DSCAM: variants seen among roughly 807,000 people sequenced by gnomAD.
DSCAM encodes the protein DS cell adhesion molecule.
Under a neutral mutation model 217.7 loss-of-function variants are expected in DSCAM, and 47 were observed. The ratio of observed to expected loss-of-function variants is 0.22; its 90% CI spans 0.17 to 0.28. The LOEUF (loss-of-function observed/expected upper bound fraction) is 0.28, where lower values mean the gene tolerates loss of function less well. Among genes scored for constraint, DSCAM ranks in the 10% least tolerant of loss-of-function variants. The pLI, the probability that DSCAM is intolerant of heterozygous loss-of-function variation, is 1.00. For synonymous variants in DSCAM, 1,056 were observed against 1,015.3 expected (o/e 1.04, Z -0.76); for missense variants, 2,080 against 2,618.3 (o/e 0.79, Z 4.49).
intron 8 of DSCAM, among the ~76,000 whole-genome samples, chr21:40,314,770 G>A (rs184859020): frequency 2.0e-4 from 31 of 152,232 alleles, no homozygotes; most frequent in Admixed American, 1.7e-3. Context: ...AAGAACTTTG[G>A]AGCCAGGCTA....
chr21:40,319,477 C>G (rs2074236453), intron 8 of DSCAM, among the ~76,000 whole-genome samples: 1 of 151,560 alleles, frequency 6.6e-6, no homozygotes, highest in African/African-American at 2.4e-5. Flanking sequence ...TTCTCTTTAT[C>G]CATTCATCTA....
intron 11 of DSCAM, among the ~76,000 whole-genome samples, chr21:40,240,627 C>A (rs958690704): frequency 2.6e-5 from 4 of 152,072 alleles, no homozygotes; most frequent in African/African-American, 9.7e-5. Context: ...CCGTCCTTTC[C>A]TCTGCTTACT....
At chr21:40,142,240 T>C (rs1255371601) in intron 18 of DSCAM, among the ~76,000 whole-genome samples, 1 of 152,136 alleles carries the variant, frequency 6.6e-6, no homozygotes, top group Non-Finnish European at 1.5e-5. Flanking sequence ...TCACACAGAA[T>C]GTTCTAGATA....
In DSCAM at chr21:40,167,791, G is replaced by A. The variant is rs534726288; in HGVS notation, c.2948-503C>T. 4.8e-3 allele frequency among the ~76,000 whole-genome samples: 726 copies of A among 152,288 alleles called. 3 individuals are homozygous for A. Among genetic ancestry groups the A allele is most frequent in the Middle Eastern group, 6.8e-3 (2 of 294 alleles). The stretch of plus-strand genomic sequence containing the variant: ...TTCAATTAAAAACCCTTGTGGCCGG[G>A]CACGGTGGCTCACGCCTGTAATCCC... On this transcript the variant is annotated intron_variant, in intron 15 of 32. Coordinates refer to ENST00000400454, the MANE Select transcript of DSCAM (RefSeq NM_001389.5).
At chr21:40,139,251 C>T (rs566046635) in intron 18 of DSCAM, among the ~76,000 whole-genome samples, 31 of 151,918 alleles carry the variant, frequency 2.0e-4, no homozygotes, top group African/African-American at 7.3e-4. Flanking sequence ...TGAGGACGTA[C>T]CCACAACACA....
At chr21:40,067,734 TCCCCTCATTCCCTCCC>T (rs2089230588) in intron 27 of DSCAM, among the ~76,000 whole-genome samples, 1 of 20,630 alleles carries the variant, frequency 4.8e-5, no homozygotes, top group Non-Finnish European at 8.9e-5. Flanking sequence ...ATTCCCTCCC[TCCCCTCATTCCCTCCC>T]TCCCTCCCTC....
At chr21:40,572,590 T>C (rs773899505) in intron 3 of DSCAM, among the ~76,000 whole-genome samples, 23 of 152,178 alleles carry the variant, frequency 1.5e-4, no homozygotes, top group Non-Finnish European at 2.9e-4. Context: ...CTATGCATCA[T>C]AAATCTCGAC....
intron 3 of DSCAM, among the ~76,000 whole-genome samples, chr21:40,403,359 G>A (rs887282827): frequency 2.0e-5 from 3 of 150,388 alleles, no homozygotes; most frequent in Non-Finnish European, 4.4e-5. Context: ...GTGCAGTGAT[G>A]CAATCTCAGC....
At chr21:40,371,672 C>T (rs756778507) in intron 3 of DSCAM, among the ~76,000 whole-genome samples, 13 of 152,096 alleles carry the variant, frequency 8.5e-5, no homozygotes, top group Non-Finnish European at 1.3e-4. Flanking sequence ...TACCCACTTA[C>T]GTTAAATAAG....
At chr21:40,662,253 G>A (rs2090146665) in intron 3 of DSCAM, among the ~76,000 whole-genome samples, 1 of 129,172 alleles carries the variant, frequency 7.7e-6, no homozygotes, top group African/African-American at 2.5e-5. Flanking sequence ...GTCTAATCCT[G>A]GCTATCTTTT....
intron 3 of DSCAM, among the ~76,000 whole-genome samples, chr21:40,372,895 G>T (rs537950460): frequency 6.6e-6 from 1 of 152,160 alleles, no homozygotes; most frequent in Non-Finnish European, 1.5e-5. Flanking sequence ...TAAATCCAGC[G>T]CTTGGTGTCA....
intron 3 of DSCAM, among the ~76,000 whole-genome samples, chr21:40,476,635 G>A (rs2075938477): frequency 6.6e-6 from 1 of 152,280 alleles, no homozygotes; most frequent in East Asian, 1.9e-4. Context: ...AGGAATTTCA[G>A]AAGACTATAA....
rs533565527 is a variant in DSCAM at position 40,016,510 on chromosome 21, G to A, written c.5687-3124C>T. Among the ~76,000 whole-genome samples the A allele has an allele frequency of 1.3e-4, 20 of 152,278 alleles. No homozygotes were observed. Among genetic ancestry groups the A allele is most frequent in the African/African-American group, 3.6e-4 (15 of 41,566 alleles). ...GTAGCTCTAGGATGACTCACTGCTC[G>A]TTTTCTGAGTCTAAAGTAACTGAAC... On this transcript the variant is annotated intron_variant, in intron 32 of 32. Transcript: ENST00000400454. The surrounding 1 kb of genome is among the most constrained non-coding windows in gnomAD (Gnocchi z 4.3).
chr21:40,451,899 C>A (rs748543746), intron 3 of DSCAM, among the ~76,000 whole-genome samples: 12 of 152,050 alleles, frequency 7.9e-5, no homozygotes, highest in Non-Finnish European at 1.8e-4. Context: ...AAAATTGCAA[C>A]CTCCAGCATA....
intron 20 of DSCAM, among the ~76,000 whole-genome samples, chr21:40,097,954 A>AAAGAAAGAAAG (rs2089698628): frequency 1.9e-5 from 1 of 51,514 alleles, no homozygotes; most frequent in African/African-American, 8.2e-5. Context: ...AAAAAAAAAA[A>AAAGAAAGAAAG]AAAGAAAGAA....
intron 3 of DSCAM, among the ~76,000 whole-genome samples, chr21:40,401,848 C>T (rs2075236545): frequency 6.6e-6 from 1 of 151,970 alleles, no homozygotes; most frequent in African/African-American, 2.4e-5. Flanking sequence ...GGAGACCTGC[C>T]ATGGGCCCGT....
chr21:40,708,872 T>G, intron 1 of DSCAM, 101 bp from the exon 2 acceptor site: 1 of 876,470 alleles, frequency 1.1e-6, no homozygotes, highest in South Asian at 3.1e-5. Context: ...AAATTAATCA[T>G]GAGGCGCAGG....
chr21:40,263,656 A>T (rs2073483938), intron 11 of DSCAM, among the ~76,000 whole-genome samples: 1 of 152,184 alleles, frequency 6.6e-6, no homozygotes, highest in Non-Finnish European at 1.5e-5. Flanking sequence ...AAGGAATGAA[A>T]CAAGAACAAA....
At chr21:40,735,898 A>G (rs2091058733) in intron 1 of DSCAM, among the ~76,000 whole-genome samples, 1 of 152,154 alleles carries the variant, frequency 6.6e-6, no homozygotes, top group African/African-American at 2.4e-5. Flanking sequence ...GAGGTAGTGC[A>G]GACTTCCCCA....
Sources: gnomAD v4.1 joint callset for allele counts (sites outside exome capture counted in the v4.1 genomes callset) on GRCh38, gnomAD v4.1.1 for gene constraint, Gnocchi (gnomAD v3.1) non-coding constraint, MANE v1.5 for transcripts, NCBI Gene and HGNC (gene_info 2026-07-23, HGNC 2026-07-21) for gene names.